The following ASB18 variants were observed in gnomAD, a reference collection of about 807,000 sequenced individuals.
ASB18 encodes the protein ankyrin repeat and SOCS box protein 18.
In ASB18, 33 loss-of-function variants were observed where a neutral mutation model predicts 33.4. The observed-to-expected ratio is 0.99, with a 90% CI of 0.75 to 1.32. The LOEUF is 1.32. ASB18 is among the 40% of genes most tolerant of loss of function. The pLI is 0.00. For synonymous variants in ASB18, 295 were observed against 307.6 expected (o/e 0.96, Z 0.43); for missense variants, 694 against 655.5 (o/e 1.06, Z -0.64).
At chr2:236,230,892 T>C (rs1025473145) in intron 3 of ASB18, among the ~76,000 whole-genome samples, 3 of 152,108 alleles carry the variant, frequency 2.0e-5, no homozygotes, top group Admixed American at 6.5e-5. Flanking sequence ...ATGTGAATGA[T>C]CTACACCCAG....
At position 236,241,636 on chromosome 2, in the gene ASB18, T is replaced by C. The variant is rs1287010679; in HGVS notation, c.206-234A>G. The C allele has an allele frequency of 7.9e-6, 5 of 636,334 alleles. No homozygotes were observed. The highest frequency in any genetic ancestry group is 7.4e-5 in the Admixed American group (3 of 40,766). The allele number at this position is 636,334 out of a possible 1,614,324, so 39.4% of individuals were successfully genotyped here. On this transcript the variant is annotated intron_variant, in intron 1 of 5. Coordinates refer to ENST00000409749, the MANE Select transcript of ASB18 (RefSeq NM_212556.4). This position sits in a 1 kb window ranked among gnomAD's most constrained non-coding sequence, Gnocchi z 4.2. ...TCATCCAGTTGGGGCTCGATGGTGG[T>C]ATATTTATAACTCCTGTGGGCTCCG...
rs778243607 is a variant in ASB18 at position 236,222,516 on chromosome 2, C to CA, written c.597-7651dup. Among the ~76,000 whole-genome samples, 560 of 152,144 alleles carry CA rather than the reference C, an allele frequency of 3.7e-3. 1 individual carries two copies. Among genetic ancestry groups the CA allele is most frequent in the Non-Finnish European group, 6.0e-3 (411 of 67,980 alleles). On this transcript the variant is annotated intron_variant, in intron 3 of 5. Transcript: ENST00000409749. This position sits in a 1 kb window ranked among gnomAD's most constrained non-coding sequence, Gnocchi z 5.5. ...AATGATTTAGTGAACAAGATTTGTACAGTCAGCTCCACTGTGTGCCCCATG... is the reference window on the plus strand; with the variant it reads ...AATGATTTAGTGAACAAGATTTGTACAAGTCAGCTCCACTGTGTGCCCCATG...
rs2060665272 is a variant in ASB18 at position 236,250,782 on chromosome 2, T to C, written c.206-9380A>G. 6.6e-6 allele frequency: 1 copy of C among 152,160 alleles called. No individual in the cohort carries two copies. The highest frequency in any genetic ancestry group is 2.4e-5 in the African/African-American group (1 of 41,426). 9.4% of individuals were successfully genotyped at this position (152,160 alleles called of 1,614,324 possible). On this transcript the variant is annotated intron_variant, in intron 1 of 5. Coordinates refer to ENST00000409749, the MANE Select transcript of ASB18 (RefSeq NM_212556.4). This position sits in a 1 kb window ranked among gnomAD's most constrained non-coding sequence, Gnocchi z 4.1. ...TTTTAAAAGTAAGAAGCTGGGCAGG[T>C]ATATAAAGTTCTGCTTTTAAGAGTT...
rs1015520565 is a variant in ASB18 at position 236,263,379 on chromosome 2, C to G, written c.205+762G>C. Among the ~76,000 whole-genome samples, 1 of 152,114 alleles carries G rather than the reference C, an allele frequency of 6.6e-6. No homozygotes were observed. Among genetic ancestry groups the G allele is most frequent in the African/African-American group, 2.4e-5 (1 of 41,416 alleles). On this transcript the variant is annotated intron_variant, in intron 1 of 5. Transcript: ENST00000409749. This position sits in a 1 kb window ranked among gnomAD's most constrained non-coding sequence, Gnocchi z 4.0. ...TCCAGACCTGCAAAGAAAGGATGGGCGACAGGCAGTGAAGAATTACCAGTG... is the reference window on the plus strand; with the variant it reads ...TCCAGACCTGCAAAGAAAGGATGGGGGACAGGCAGTGAAGAATTACCAGTG...
In ASB18 at chr2:236,214,615, C is replaced by A; in HGVS notation, c.848G>T (p.Gly283Val). The A allele has an allele frequency of 8.2e-7, 1 of 1,212,212 alleles. No individual in the cohort carries two copies. Among genetic ancestry groups the A allele is most frequent in the Non-Finnish European group, 1.0e-6 (1 of 977,080 alleles). 75.1% of individuals were successfully genotyped at this position (1,212,212 alleles called of 1,614,324 possible). ...CTCGTCGCGCGCGTCCGCCTCCGCC[C>A]CGCGCCGCAGCAGCAGCGCGCACAG... Reference protein sequence around the residue: ...LRLCALLLRRGAEADARDEDE... With the variant: ...LRLCALLLRRVAEADARDEDE... The change falls in exon 4 of 6, where the codon GGG (glycine) becomes GTG (valine). Residue 283 changes from glycine to valine, a missense_variant. Coordinates refer to ENST00000409749, the MANE Select transcript of ASB18 (RefSeq NM_212556.4). This position sits in a 1 kb window ranked among gnomAD's most constrained non-coding sequence, Gnocchi z 6.5.
At chr2:236,212,879 C>T (rs1315713994) in intron 4 of ASB18, among the ~76,000 whole-genome samples, 7 of 152,196 alleles carry the variant, frequency 4.6e-5, no homozygotes, top group Admixed American at 3.9e-4. Flanking sequence ...ATCCTCCTGC[C>T]TCAGCCTCCC....
At chr2:236,243,297 T>C (rs549777105) in intron 1 of ASB18, among the ~76,000 whole-genome samples, 1 of 135,548 alleles carries the variant, frequency 7.4e-6, no homozygotes, top group African/African-American at 2.9e-5. Flanking sequence ...GCCACTGCAC[T>C]CCAGCCTGGG....
Position 236,258,241 on chromosome 2 carries a change from G to A in ASB18, c.205+5900C>T, listed in dbSNP as rs141570259. Among the ~76,000 whole-genome samples, 477 of 152,302 alleles carry A rather than the reference G, an allele frequency of 3.1e-3. 1 individual carries two copies. Among genetic ancestry groups the A allele is most frequent in the African/African-American group, 7.4e-3 (306 of 41,566 alleles). The stretch of plus-strand genomic sequence containing the variant: ...CACTCCTGGGAAGGCAGTGTGGGTC[G>A]GGAGGCTTTGTTGATCCCCTCCACA... On this transcript the variant is annotated intron_variant, in intron 1 of 5. Transcript: ENST00000409749.
In ASB18 at chr2:236,214,900, A is replaced by G; in HGVS notation, c.597-34T>C. On this transcript the variant is annotated intron_variant, in intron 3 of 5. Transcript: ENST00000409749. The surrounding 1 kb of genome is among the most constrained non-coding windows in gnomAD (Gnocchi z 6.5). ...AGCCAGGGCCTGTCACTCGGGCGCCACGCAGGACGCCCGCACCCTTCCACC... is the reference window on the plus strand; with the variant it reads ...AGCCAGGGCCTGTCACTCGGGCGCCGCGCAGGACGCCCGCACCCTTCCACC... The G allele has an allele frequency of 1.2e-5, 15 of 1,205,768 alleles. No individual in the cohort carries two copies. The highest frequency in any genetic ancestry group is 4.1e-5 in the South Asian group (1 of 24,438). The allele number at this position is 1,205,768 out of a possible 1,614,324, so 74.7% of individuals were successfully genotyped here.
In ASB18 at chr2:236,209,143, C is replaced by T. The variant is rs895605125; in HGVS notation, c.1101+5219G>A. On this transcript the variant is annotated intron_variant, in intron 4 of 5. Transcript: ENST00000409749. This position sits in a 1 kb window ranked among gnomAD's most constrained non-coding sequence, Gnocchi z 4.4. Reference sequence around the variant, plus strand: ...AAAAATCCTGTGGAATTGGGATAAGCGAAGTCCCTTTACCTGATTTAGTAA... The same window carrying T: ...AAAAATCCTGTGGAATTGGGATAAGTGAAGTCCCTTTACCTGATTTAGTAA... Among the ~76,000 whole-genome samples the T allele has an allele frequency of 6.6e-6, 1 of 152,130 alleles. No homozygotes were observed. The highest frequency in any genetic ancestry group is 2.1e-4 in the South Asian group (1 of 4,814).
chr2:236,243,261 C>T (rs562125417), intron 1 of ASB18, among the ~76,000 whole-genome samples: 327 of 143,150 alleles, frequency 2.3e-3, no homozygotes, highest in Non-Finnish European at 4.0e-3. Flanking sequence ...ACCCAGGAGA[C>T]GGAGCTTGCA....
At position 236,238,045 on chromosome 2, in the gene ASB18, G is replaced by T; in HGVS notation, c.329-89C>A. 2 of 1,187,790 alleles carry T rather than the reference G, an allele frequency of 1.7e-6. No homozygotes were observed. Among genetic ancestry groups the T allele is most frequent in the South Asian group, 3.8e-5 (2 of 53,038 alleles). The allele number at this position is 1,187,790 out of a possible 1,614,324, so 73.6% of individuals were successfully genotyped here. Reference sequence around the variant, plus strand: ...TTCCTTAAGGCGGAAAGAAAGTGAAGCCGTCTCTTAAAGGTAGGTACCAGG... The same window carrying T: ...TTCCTTAAGGCGGAAAGAAAGTGAATCCGTCTCTTAAAGGTAGGTACCAGG... On this transcript the variant is annotated intron_variant, in intron 2 of 5. Coordinates refer to ENST00000409749, the MANE Select transcript of ASB18 (RefSeq NM_212556.4). This position sits in a 1 kb window ranked among gnomAD's most constrained non-coding sequence, Gnocchi z 5.2.
intron 1 of ASB18, chr2:236,247,368 C>CTTA (rs1394333665): frequency 5.3e-5 from 8 of 151,960 alleles, no homozygotes; most frequent in African/African-American, 1.9e-4. Context: ...TAGGGTGAAT[C>CTTA]TTAAGGTTTG....
At chr2:236,206,804 G>A (rs187561009) in intron 4 of ASB18, among the ~76,000 whole-genome samples, 26 of 152,284 alleles carry the variant, frequency 1.7e-4, no homozygotes, top group South Asian at 6.2e-4. Context: ...AGAGATTAGC[G>A]AAATAGAAAG....
rs571540951 is a variant in ASB18 at position 236,217,040 on chromosome 2, G to C, written c.597-2174C>G. Among the ~76,000 whole-genome samples, 18 of 152,278 alleles carry C rather than the reference G, an allele frequency of 1.2e-4. No homozygotes were observed. Among genetic ancestry groups the C allele is most frequent in the African/African-American group, 4.3e-4 (18 of 41,554 alleles). Reference sequence around the variant, plus strand: ...CTTGGAAGCCTTCCTGTGCCACCAGGTAGAGGGGTCACACCTCTGTGTTGT... The same window carrying C: ...CTTGGAAGCCTTCCTGTGCCACCAGCTAGAGGGGTCACACCTCTGTGTTGT... On this transcript the variant is annotated intron_variant, in intron 3 of 5. Coordinates refer to ENST00000409749, the MANE Select transcript of ASB18 (RefSeq NM_212556.4). The surrounding 1 kb of genome is among the most constrained non-coding windows in gnomAD (Gnocchi z 5.2).
chr2:236,237,783 C>A lies in ASB18; in HGVS notation c.502G>T (p.Val168Phe), dbSNP rs2106278833. ...EACLGGHTAC[V>F]RLLLQHRADP... Reference sequence around the variant, plus strand: ...GCGCGGTGCTGCAGCAGCAGGCGGACGCAGGCGGTGTGGCCCCCGAGGCAG... The same window carrying A: ...GCGCGGTGCTGCAGCAGCAGGCGGAAGCAGGCGGTGTGGCCCCCGAGGCAG... Residue 168 changes from valine (V) to phenylalanine (F), a missense_variant, in exon 3 of 6, where the codon GTC becomes TTC. Physicochemically the swap from Val to Phe is conservative, Grantham distance 50 (BLOSUM62 -1). Transcript: ENST00000409749. This position sits in a 1 kb window ranked among gnomAD's most constrained non-coding sequence, Gnocchi z 6.2. 6.9e-7 allele frequency: 1 copy of A among 1,442,154 alleles called. No individual in the cohort carries two copies. The highest frequency in any genetic ancestry group is 9.1e-7 in the Non-Finnish European group (1 of 1,102,076). 89.3% of individuals were successfully genotyped at this position (1,442,154 alleles called of 1,614,324 possible).
rs2060491166 is a variant in ASB18 at position 236,217,020 on chromosome 2, A to G, written c.597-2154T>C. On this transcript the variant is annotated intron_variant, in intron 3 of 5. Transcript: ENST00000409749. The surrounding 1 kb of genome is among the most constrained non-coding windows in gnomAD (Gnocchi z 5.2). ...CAGTCCCATCTTTCCTTCCTCTTGG[A>G]AGCCTTCCTGTGCCACCAGGTAGAG... Among the ~76,000 whole-genome samples the G allele has an allele frequency of 6.6e-6, 1 of 152,106 alleles. No homozygotes were observed. Among genetic ancestry groups the G allele is most frequent in the South Asian group, 2.1e-4 (1 of 4,814 alleles).
In ASB18 at chr2:236,214,334, G is replaced by A. The variant is rs755537273; in HGVS notation, c.1101+28C>T. ...ACTAAGTGGCAAAACTCCAGGGCACGTGCCAGCCGGGCTGGATCCTGCCTT... is the reference window on the plus strand; with the variant it reads ...ACTAAGTGGCAAAACTCCAGGGCACATGCCAGCCGGGCTGGATCCTGCCTT... On this transcript the variant is annotated intron_variant, in intron 4 of 5. Coordinates refer to ENST00000409749, the MANE Select transcript of ASB18 (RefSeq NM_212556.4). This position sits in a 1 kb window ranked among gnomAD's most constrained non-coding sequence, Gnocchi z 6.5. The A allele has an allele frequency of 2.6e-5, 41 of 1,552,170 alleles. No homozygotes were observed. The Admixed American group carries it at 2.7e-4, about 10-fold the overall frequency.
Position 236,262,898 on chromosome 2 carries a change from C to T in ASB18, c.205+1243G>A, listed in dbSNP as rs947283009. On this transcript the variant is annotated intron_variant, in intron 1 of 5. Coordinates refer to ENST00000409749, the MANE Select transcript of ASB18 (RefSeq NM_212556.4). The surrounding 1 kb of genome is among the most constrained non-coding windows in gnomAD (Gnocchi z 5.2). ...ACCCAAACCAAGGGGGGGGGGCGGA[C>T]CCCCTCGGAAGTTCCAATCTCAGAC... Among the ~76,000 whole-genome samples, 2 of 152,066 alleles carry T rather than the reference C, an allele frequency of 1.3e-5. No homozygotes were observed. Among genetic ancestry groups the T allele is most frequent in the East Asian group, 3.9e-4 (2 of 5,166 alleles).
Sources: allele counts gnomAD v4.1 joint callset (sites outside exome capture counted in the v4.1 genomes callset), GRCh38; gene constraint gnomAD v4.1.1; non-coding constraint Gnocchi (gnomAD v3.1); transcripts MANE v1.5; gene names NCBI Gene and HGNC (gene_info 2026-07-23, HGNC 2026-07-21).